Variants in DOCK11 observed in about 807,000 individuals in gnomAD.
DOCK11 encodes dedicator of cytokinesis protein 11.
Under a neutral mutation model 169.1 loss-of-function variants are expected in DOCK11, and 70 were observed. The observed-to-expected ratio is 0.41, with a 90% CI of 0.34 to 0.51. The LOEUF (loss-of-function observed/expected upper bound fraction) is 0.51. Among genes scored for constraint, DOCK11 ranks in the 20% least tolerant of loss-of-function variants. The pLI, the probability that DOCK11 is intolerant of heterozygous loss-of-function variation, is 0.10. For missense variants in DOCK11, 1,166 were observed against 1,538.8 expected, an observed-to-expected ratio of 0.76 and a Z score of 4.05; for synonymous variants, 529 against 541.3, an observed-to-expected ratio of 0.98 and a Z score of 0.32.
chrX:118,568,966 G>A (rs1421759492), intron 10 of DOCK11, among the ~76,000 whole-genome samples: 1 of 110,528 alleles, frequency 9.0e-6, no homozygotes, highest in Non-Finnish European at 1.9e-5. Context: ...TTTGAAATCG[G>A]AAAATGTGCA....
intron 1 of DOCK11, among the ~76,000 whole-genome samples, chrX:118,520,655 G>A (rs373743989): frequency 8.1e-5 from 9 of 111,389 alleles, no homozygotes; most frequent in Non-Finnish European, 1.7e-4. Context: ...CATTGACCTC[G>A]GTGGCTGCCA....
intron 42 of DOCK11, among the ~76,000 whole-genome samples, chrX:118,653,374 G>A (rs1461132903): frequency 1.8e-5 from 2 of 110,902 alleles, no homozygotes; most frequent in Non-Finnish European, 3.8e-5. Flanking sequence ...TATTTTTAAA[G>A]GGAGTCAAAG....
chrX:118,591,389 G>A (rs766314476), intron 19 of DOCK11, among the ~76,000 whole-genome samples: 20 of 110,846 alleles, frequency 1.8e-4, no homozygotes, highest in African/African-American at 6.2e-4. Flanking sequence ...GACCTAAAAC[G>A]GACATTAGTT....
intron 1 of DOCK11, among the ~76,000 whole-genome samples, chrX:118,497,760 G>C (rs1361424583): frequency 1.8e-5 from 2 of 112,223 alleles, no homozygotes; most frequent in Admixed American, 1.9e-4. Context: ...TCCTTGAGCG[G>C]GGTTGGCTGG....
At chrX:118,614,888 G>T in intron 29 of DOCK11, 113 bp downstream of exon 29, 1 of 572,595 alleles carries the variant, frequency 1.7e-6, no homozygotes. Flanking sequence ...TAGGTAGTTG[G>T]ACTATAGACA....
intron 6 of DOCK11, among the ~76,000 whole-genome samples, chrX:118,557,670 C>A (rs998630140): frequency 7.1e-5 from 7 of 98,111 alleles, no homozygotes; most frequent in African/African-American, 1.9e-4. Flanking sequence ...AGGCTGAGGC[C>A]GGAGAATGGC....
Position 118,561,368 on chromosome X carries a change from G to C in DOCK11, c.559-15G>C. On this transcript the variant is annotated splice_polypyrimidine_tract_variant and intron_variant, in intron 6 of 52. Transcript: ENST00000276202. ...TATGTAACAAATGTATCATTGCTGGGTTTTCCCCATGTAGGTATTCAAGAG... is the reference window on the plus strand; with the variant it reads ...TATGTAACAAATGTATCATTGCTGGCTTTTCCCCATGTAGGTATTCAAGAG... 8.5e-7 allele frequency: 1 copy of C among 1,170,081 alleles called. No homozygotes were observed. Among genetic ancestry groups the C allele is most frequent in the African/African-American group, 1.8e-5 (1 of 55,972 alleles).
Position 118,555,938 on chromosome X carries a change from T to C in DOCK11, c.559-5445T>C, listed in dbSNP as rs181534873. Among the ~76,000 whole-genome samples, 122 of 111,795 alleles carry C rather than the reference T, an allele frequency of 1.1e-3. 1 individual carries two copies. The highest frequency in any genetic ancestry group is 3.6e-3 in the African/African-American group (111 of 30,761). On this transcript the variant is annotated intron_variant, in intron 6 of 52. Transcript: ENST00000276202. ...TGTATCCTTTCTAAGGGCTTCTGGT[T>C]CATGCAATTTAGCAGTAAATAATTA...
intron 42 of DOCK11, among the ~76,000 whole-genome samples, chrX:118,652,945 C>T (rs757891698): frequency 8.9e-5 from 10 of 112,309 alleles, no homozygotes; most frequent in Non-Finnish European, 1.9e-4. Context: ...AGGAATGTTG[C>T]TTGTACTGAA....
intron 40 of DOCK11, among the ~76,000 whole-genome samples, chrX:118,647,528 A>AT (rs1328387552): frequency 1.3e-5 from 1 of 74,873 alleles, no homozygotes; most frequent in East Asian, 3.8e-4. Flanking sequence ...AATATATAAT[A>AT]TAATATTATA....
In DOCK11 at chrX:118,573,704, A is replaced by G. The variant is rs756833035; in HGVS notation, c.1177-102A>G. 201 of 623,821 alleles carry G rather than the reference A, an allele frequency of 3.2e-4. No individual in the cohort carries two copies. In the Middle Eastern group the frequency reaches 5.4e-3, roughly 17 times the overall value. 51.4% of individuals were successfully genotyped at this position (623,821 alleles called of 1,213,427 possible). ...TTGAACTCAGAAAGGAATTGTAATCACAGAAACTGGAGGAATACAAAACTT... is the reference window on the plus strand; with the variant it reads ...TTGAACTCAGAAAGGAATTGTAATCGCAGAAACTGGAGGAATACAAAACTT... On this transcript the variant is annotated intron_variant, in intron 11 of 52. Coordinates refer to ENST00000276202, the MANE Select transcript of DOCK11 (RefSeq NM_144658.4).
intron 38 of DOCK11, among the ~76,000 whole-genome samples, chrX:118,640,315 A>G (rs746968601): frequency 5.3e-4 from 60 of 112,530 alleles, no homozygotes; most frequent in African/African-American, 1.8e-3. Context: ...GAAGCCAGCA[A>G]AACTGGCTTT....
intron 29 of DOCK11, 34 bp downstream of exon 29, chrX:118,614,809 A>G: frequency 2.1e-6 from 2 of 966,972 alleles, no homozygotes; most frequent in African/African-American, 3.8e-5. Flanking sequence ...AGTGGATGTC[A>G]GACATCTGAG....
intron 35 of DOCK11, among the ~76,000 whole-genome samples, chrX:118,631,558 T>C (rs373428122): frequency 8.9e-6 from 1 of 111,866 alleles, no homozygotes; most frequent in African/African-American, 3.3e-5. Context: ...TCCTTAGTCT[T>C]TGAATAAACT....
chrX:118,602,122 A>G (rs1376969324), intron 23 of DOCK11, among the ~76,000 whole-genome samples: 1 of 89,857 alleles, frequency 1.1e-5, no homozygotes, highest in Non-Finnish European at 2.2e-5. Context: ...TTTTTAACAG[A>G]TGAGGAAGCT....
intron 7 of DOCK11, among the ~76,000 whole-genome samples, chrX:118,561,829 C>G (rs968785481): frequency 1.8e-5 from 2 of 111,070 alleles, no homozygotes; most frequent in African/African-American, 6.5e-5. Context: ...TGCACCACTG[C>G]ACTCCAGCCT....
At chrX:118,541,132 A>G (rs1301263610) in intron 1 of DOCK11, among the ~76,000 whole-genome samples, 1 of 112,106 alleles carries the variant, frequency 8.9e-6, no homozygotes, top group African/African-American at 3.2e-5. Context: ...AATAGATGGT[A>G]TATCAGATTG....
chrX:118,523,050 A>G (rs1369950227), intron 1 of DOCK11, among the ~76,000 whole-genome samples: 1 of 112,632 alleles, frequency 8.9e-6, no homozygotes, highest in Non-Finnish European at 1.9e-5. Flanking sequence ...GCTAAAATTA[A>G]ATGAGGTAAC....
chrX:118,586,541 T>C (rs1423663183), intron 16 of DOCK11, among the ~76,000 whole-genome samples: 2 of 111,340 alleles, frequency 1.8e-5, no homozygotes, highest in Non-Finnish European at 3.8e-5. Context: ...CCTCAACACC[T>C]GGGGATTACA....
Sources: allele counts gnomAD v4.1 joint callset (sites outside exome capture counted in the v4.1 genomes callset), GRCh38; gene constraint gnomAD v4.1.1; transcripts MANE v1.5; gene names NCBI Gene and HGNC (gene_info 2026-07-23, HGNC 2026-07-21).